Variants in UBE2D3 observed in about 807,000 individuals in gnomAD.
UBE2D3 encodes the protein ubiquitin conjugating enzyme E2 D3, also known as ubiquitin-conjugating enzyme E2 D3.
Under a neutral mutation model 22.8 loss-of-function variants are expected in UBE2D3, and 2 were observed. The observed-to-expected ratio is 0.09, with a 90% confidence interval of 0.04 to 0.28. The LOEUF (loss-of-function observed/expected upper bound fraction) is 0.28. UBE2D3 is among the 10% of genes least tolerant of loss of function. UBE2D3 has a pLI of 1.00. For synonymous variants in UBE2D3, 56 were observed against 60.4 expected (o/e 0.93, Z 0.34); for missense variants, 27 against 182.5 (o/e 0.15, Z 4.91).
chr4:102,825,540 T>A, intron 2 of UBE2D3: 1 of 1,175,782 alleles, frequency 8.5e-7, no homozygotes, highest in South Asian at 1.6e-5. Context: ...CATCTTAAAA[T>A]GCGGGATAGA....
chr4:102,842,782 A>G (rs1731828365), intron 1 of UBE2D3, among the ~76,000 whole-genome samples: 1 of 152,164 alleles, frequency 6.6e-6, no homozygotes, highest in Non-Finnish European at 1.5e-5. Context: ...ACAATTGGGT[A>G]AGCTGTTCTT....
At chr4:102,838,702 G>C (rs1406328536) in intron 1 of UBE2D3, among the ~76,000 whole-genome samples, 1 of 149,088 alleles carries the variant, frequency 6.7e-6, no homozygotes, top group African/African-American at 2.5e-5. Context: ...CTGACTACTG[G>C]ATAAGGGGGG....
Position 102,801,543 on chromosome 4 carries a change from C to T in UBE2D3, c.215G>A (p.Arg72Lys). Residue 72 changes from arginine to lysine, a missense_variant, in exon 6 of 8, where the codon AGA becomes AAA. By Grantham distance (26) the Arg-to-Lys change is conservative (BLOSUM62 2). Coordinates refer to ENST00000453744, the MANE Select transcript of UBE2D3 (RefSeq NM_181891.3). The stretch of plus-strand genomic sequence containing the variant: ...ACTGTTAATATTTGGATGATAAATT[C>T]TTGTTGTAAATGCAACCTAAAACAA... ...FKPPKVAFTT[R>K]IYHPNINSNG... is the part of the protein sequence containing the mutation. 1 of 1,605,090 alleles carries T rather than the reference C, an allele frequency of 6.2e-7. No individual in the cohort carries two copies. Among genetic ancestry groups the T allele is most frequent in the Non-Finnish European group, 8.5e-7 (1 of 1,175,920 alleles).
chr4:102,852,774 T>C (rs1213463350), intron 1 of UBE2D3, among the ~76,000 whole-genome samples: 3 of 152,218 alleles, frequency 2.0e-5, no homozygotes, highest in Non-Finnish European at 4.4e-5. Context: ...ACAAAAGATA[T>C]CTGTAGCTTA....
At chr4:102,833,398 T>G (rs1215815191) in intron 1 of UBE2D3, among the ~76,000 whole-genome samples, 2 of 152,244 alleles carry the variant, frequency 1.3e-5, no homozygotes, top group Non-Finnish European at 2.9e-5. Flanking sequence ...AATACTATTA[T>G]GTGTTGCCAA....
At chr4:102,817,680 A>G (rs1261644376) in intron 2 of UBE2D3, among the ~76,000 whole-genome samples, 2 of 152,194 alleles carry the variant, frequency 1.3e-5, no homozygotes, top group Non-Finnish European at 2.9e-5. Context: ...ATGGAAAACT[A>G]ATGTTTTCCT....
At chr4:102,860,891 T>C (rs938339425) in intron 1 of UBE2D3, among the ~76,000 whole-genome samples, 2 of 151,882 alleles carry the variant, frequency 1.3e-5, no homozygotes, top group African/African-American at 4.8e-5. Context: ...TGAAGTGTCC[T>C]GTAGGGCTCA....
intron 2 of UBE2D3, among the ~76,000 whole-genome samples, chr4:102,814,724 G>C (rs752697851): frequency 6.6e-6 from 1 of 152,056 alleles, no homozygotes; most frequent in Non-Finnish European, 1.5e-5. Context: ...ACCATGTGTA[G>C]ACCACCCATC....
chr4:102,823,761 C>G (rs1171690469), intron 2 of UBE2D3, among the ~76,000 whole-genome samples: 2 of 152,108 alleles, frequency 1.3e-5, no homozygotes, highest in Non-Finnish European at 2.9e-5. Flanking sequence ...GTCTAACAGT[C>G]AAAAAACTTA....
At chr4:102,804,590 T>C (rs540264888) in intron 4 of UBE2D3, among the ~76,000 whole-genome samples, 2 of 152,232 alleles carry the variant, frequency 1.3e-5, no homozygotes, top group African/African-American at 4.8e-5. Flanking sequence ...TCAAATAGCA[T>C]ATACTTTCAC....
intron 1 of UBE2D3, among the ~76,000 whole-genome samples, chr4:102,864,061 T>C (rs1456905077): frequency 1.3e-5 from 2 of 152,222 alleles, no homozygotes; most frequent in Non-Finnish European, 2.9e-5. Context: ...TGAAATATCA[T>C]ACTAACTATG....
chr4:102,851,689 C>T (rs867978562), intron 1 of UBE2D3, among the ~76,000 whole-genome samples: 1 of 145,236 alleles, frequency 6.9e-6, no homozygotes. Flanking sequence ...TTTTTTGAGA[C>T]GGAGTCTTGC....
At chr4:102,806,520 A>C (rs1478450233) in intron 4 of UBE2D3, among the ~76,000 whole-genome samples, 6 of 152,180 alleles carry the variant, frequency 3.9e-5, no homozygotes, top group Non-Finnish European at 8.8e-5. Flanking sequence ...AAGTTGAAAA[A>C]ATAATCCTTA....
chr4:102,823,780 A>C (rs550252078), intron 2 of UBE2D3, among the ~76,000 whole-genome samples: 2 of 152,386 alleles, frequency 1.3e-5, no homozygotes, highest in African/African-American at 4.8e-5. Context: ...TACTCCAAGA[A>C]CACAGCTGAA....
chr4:102,823,821 T>C (rs1283939890), intron 2 of UBE2D3, among the ~76,000 whole-genome samples: 1 of 152,180 alleles, frequency 6.6e-6, no homozygotes, highest in East Asian at 1.9e-4. Flanking sequence ...CTCGATCAAA[T>C]GGACTAAAGG....
intron 2 of UBE2D3, among the ~76,000 whole-genome samples, chr4:102,822,837 G>A (rs1729843389): frequency 7.4e-6 from 1 of 135,654 alleles, no homozygotes; most frequent in Non-Finnish European, 1.6e-5. Flanking sequence ...TCAGGAGGCT[G>A]AGGCAGGAGA....
chr4:102,852,032 C>T (rs553752956), intron 1 of UBE2D3, among the ~76,000 whole-genome samples: 3 of 126,528 alleles, frequency 2.4e-5, no homozygotes, highest in Non-Finnish European at 4.8e-5. Context: ...TCCTAACTCT[C>T]TTGAAAGTTT....
intron 4 of UBE2D3, among the ~76,000 whole-genome samples, chr4:102,806,421 G>A (rs1032843673): frequency 2.6e-5 from 4 of 151,670 alleles, no homozygotes; most frequent in South Asian, 2.1e-4. Context: ...AGACTACAAA[G>A]CTCCTCAACG....
chr4:102,838,750 G>A (rs1342434828), intron 1 of UBE2D3, among the ~76,000 whole-genome samples: 5 of 122,436 alleles, frequency 4.1e-5, no homozygotes, highest in African/African-American at 1.3e-4. Context: ...AAGTAAAAGC[G>A]TAAAATATTA....
Sources: gnomAD v4.1 joint callset for allele counts (sites outside exome capture counted in the v4.1 genomes callset) on GRCh38, gnomAD v4.1.1 for gene constraint, MANE v1.5 for transcripts, NCBI Gene and HGNC (gene_info 2026-07-23, HGNC 2026-07-21) for gene names.